GGA3: variants seen among roughly 807,000 people sequenced by gnomAD.
GGA3 encodes golgi associated, gamma adaptin ear containing, ARF binding protein 3.
GGA3 carries 57 observed loss-of-function variants against 77.5 expected under a neutral mutation model. The ratio of observed to expected loss-of-function variants is 0.74; its 90% CI spans 0.59 to 0.92. The LOEUF (loss-of-function observed/expected upper bound fraction) is 0.92. Among genes scored for constraint, GGA3 ranks in the 40% least tolerant of loss-of-function variants. GGA3 has a pLI of 0.00. For missense variants in GGA3, 970 were observed against 914.9 expected, an observed-to-expected ratio of 1.06 and a Z score of -0.78; for synonymous variants, 416 against 383.7, an observed-to-expected ratio of 1.08 and a Z score of -0.98.
chr17:75,241,767 A>C (rs1156624128), intron 8 of GGA3, 71 bp from the exon 9 acceptor site: 28 of 1,335,042 alleles, frequency 2.1e-5, no homozygotes, highest in Non-Finnish European at 3.0e-5. Context: ...TTCAGGGTTC[A>C]TGCCCAGAAA....
chr17:75,251,593 C>T (rs1348159951), intron 1 of GGA3, among the ~76,000 whole-genome samples: 1 of 149,754 alleles, frequency 6.7e-6, no homozygotes, highest in Non-Finnish European at 1.5e-5. Flanking sequence ...GTAATCCCAG[C>T]TACTTGGGAG....
intron 3 of GGA3, among the ~76,000 whole-genome samples, chr17:75,245,311 G>T (rs575321089): frequency 6.6e-6 from 1 of 152,262 alleles, no homozygotes; most frequent in African/African-American, 2.4e-5. Context: ...TTAAAGCAAG[G>T]TTTCTCAGGT....
rs2076344026 is a variant in GGA3 at position 75,237,059 on chromosome 17, T to C, written c.*1220A>G. 4.6e-6 allele frequency: 1 copy of C among 217,408 alleles called. No individual in the cohort carries two copies. Among genetic ancestry groups the C allele is most frequent in the Admixed American group, 5.2e-5 (1 of 19,326 alleles). The allele number at this position is 217,408 out of a possible 1,614,324, so 13.5% of individuals were successfully genotyped here. A position where few individuals can be genotyped will look rare whatever the true frequency, so the allele number is the denominator to read the frequency against. ...ACCTGGGCTCCGCAAGCTTCCCCCG[T>C]GTCTATGGCAGCTGGTGATTTTTTT... On this transcript the variant is annotated 3_prime_UTR_variant, in exon 17 of 17. Coordinates refer to ENST00000537686, the MANE Select transcript of GGA3 (RefSeq NM_138619.4).
intron 1 of GGA3, among the ~76,000 whole-genome samples, chr17:75,250,762 C>CAAAAAGAAAAAAAAAAAAAA (rs2076936147): frequency 1.3e-5 from 1 of 78,852 alleles, no homozygotes; most frequent in Non-Finnish European, 2.5e-5. Flanking sequence ...ACTCCATCTC[C>CAAAAAGAAAAAAAAAAAAAA]AAAAAAAAAA....
intron 1 of GGA3, among the ~76,000 whole-genome samples, chr17:75,254,498 C>T (rs908476197): frequency 6.6e-6 from 1 of 152,174 alleles, no homozygotes; most frequent in Non-Finnish European, 1.5e-5. Flanking sequence ...CAGTTCATGG[C>T]TCGTTCGGCA....
chr17:75,254,106 G>T (rs2077061923), intron 1 of GGA3, among the ~76,000 whole-genome samples: 1 of 152,102 alleles, frequency 6.6e-6, no homozygotes, highest in African/African-American at 2.4e-5. Flanking sequence ...TGTTCCCAAT[G>T]CGATTCCTCC....
chr17:75,243,025 C>A lies in GGA3; in HGVS notation c.528+38G>T, dbSNP rs2076622989. On this transcript the variant is annotated intron_variant, in intron 6 of 16. Transcript: ENST00000537686. The stretch of plus-strand genomic sequence containing the variant: ...CCACATTCCCCTGCTGCCACCCACT[C>A]TCGTATGAGAAAATCCCAGGCCCAG... 6.5e-6 allele frequency: 10 copies of A among 1,544,512 alleles called. No homozygotes were observed. In the Admixed American group the frequency reaches 1.5e-4, roughly 23 times the overall value.
chr17:75,257,911 T>C (rs560395601), intron 1 of GGA3, among the ~76,000 whole-genome samples: 3 of 152,230 alleles, frequency 2.0e-5, no homozygotes, highest in African/African-American at 7.2e-5. Flanking sequence ...CACGTACACA[T>C]CCAGATGGCC....
chr17:75,242,705 C>A, intron 7 of GGA3, 126 bp downstream of exon 7: 1 of 935,022 alleles, frequency 1.1e-6, no homozygotes, highest in Non-Finnish European at 1.7e-6. Context: ...TCTCAGCCAC[C>A]GGGGCACAGG....
intron 1 of GGA3, chr17:75,248,938 C>T: frequency 1.0e-6 from 1 of 985,274 alleles, no homozygotes; most frequent in Non-Finnish European, 1.2e-6. Context: ...GAGGGAAGGC[C>T]CGTGGCACCC....
chr17:75,237,619 A>C lies in GGA3; in HGVS notation c.*660T>G. On this transcript the variant is annotated 3_prime_UTR_variant, in exon 17 of 17. Transcript: ENST00000537686. ...TGAGGCCAAATTCCATGTCCTGCCA[A>C]GATGTCCATAGGACACAGCCTGCCA... is the stretch of plus-strand genomic sequence containing the variant. 1.3e-6 allele frequency: 2 copies of C among 1,526,516 alleles called. No homozygotes were observed. Among genetic ancestry groups the C allele is most frequent in the Non-Finnish European group, 1.8e-6 (2 of 1,141,604 alleles). 94.6% of individuals were successfully genotyped at this position (1,526,516 alleles called of 1,614,324 possible). A position where few individuals can be genotyped will look rare whatever the true frequency, so the allele number is the denominator to read the frequency against.
Position 75,238,303 on chromosome 17 carries a change from A to G in GGA3, c.2148T>C (p.Pro716=). 2 of 1,613,424 alleles carry G rather than the reference A, an allele frequency of 1.2e-6. No homozygotes were observed. The highest frequency in any genetic ancestry group is 1.3e-5 in the African/African-American group (1 of 75,024). ...TEVGEVDQFP[P]VEQWGNL is the part of the protein sequence containing the mutation. ...GTCATAGGTTCCCCCACTGTTCCAC[A>G]GGAGGGAACTGGTCCACCTCGCCCA... Residue 716 remains proline (P), a synonymous_variant, in exon 17 of 17, where the codon CCT becomes CCC. Transcript: ENST00000537686.
intron 12 of GGA3, 84 bp downstream of exon 12, chr17:75,240,258 C>CAG: frequency 8.7e-7 from 1 of 1,155,766 alleles, no homozygotes; most frequent in East Asian, 2.5e-5. Context: ...GAGGGAAGGA[C>CAG]AGCTAACTGC....
At chr17:75,241,324 C>T in intron 10 of GGA3, 76 bp downstream of exon 10, 1 of 972,712 alleles carries the variant, frequency 1.0e-6, no homozygotes, top group Non-Finnish European at 1.6e-6. Context: ...CGCTGGCCAG[C>T]CTACACCCGC....
At chr17:75,257,893 A>G (rs1026666623) in intron 1 of GGA3, among the ~76,000 whole-genome samples, 12 of 152,222 alleles carry the variant, frequency 7.9e-5, no homozygotes, top group Admixed American at 5.9e-4. Flanking sequence ...CGCATCCCCT[A>G]TGACTTGCAC....
intron 1 of GGA3, among the ~76,000 whole-genome samples, chr17:75,258,459 CAA>C (rs2077231175): frequency 6.6e-6 from 1 of 152,102 alleles, no homozygotes; most frequent in African/African-American, 2.4e-5. Context: ...CACTTGAGGT[CAA>C]GAGTTTGACA....
At chr17:75,261,774 C>A, upstream of GGA3, 2 of 1,181,192 alleles carry the variant, frequency 1.7e-6, no homozygotes, top group Middle Eastern at 2.0e-4. Flanking sequence ...GAGTGAAAAA[C>A]TCTAACGTCC....
chr17:75,252,292 A>G (rs1018088727), intron 1 of GGA3, among the ~76,000 whole-genome samples: 1 of 151,720 alleles, frequency 6.6e-6, no homozygotes, highest in Admixed American at 6.6e-5. Context: ...GTAGGCGATC[A>G]TGGCTCACTG....
intron 1 of GGA3, among the ~76,000 whole-genome samples, chr17:75,253,071 G>A (rs989214029): frequency 3.9e-5 from 6 of 152,198 alleles, no homozygotes; most frequent in African/African-American, 7.2e-5. Flanking sequence ...CCATGACTCG[G>A]ATCGCGGGAC....
Sources: gnomAD v4.1 joint callset for allele counts (sites outside exome capture counted in the v4.1 genomes callset) on GRCh38, gnomAD v4.1.1 for gene constraint, MANE v1.5 for transcripts, NCBI Gene and HGNC (gene_info 2026-07-23, HGNC 2026-07-21) for gene names.